KANSL1: variants seen among roughly 807,000 people sequenced by gnomAD.
KANSL1 encodes KAT8 regulatory NSL complex subunit 1.
A neutral mutation model predicts 103.6 loss-of-function variants in KANSL1; 22 were observed. The observed-to-expected ratio is 0.21, with a 90% CI of 0.15 to 0.30. The LOEUF is 0.30. KANSL1 is among the 10% of genes least tolerant of loss of function. The pLI, the probability that KANSL1 is intolerant of heterozygous loss-of-function variation, is 1.00. For synonymous variants in KANSL1, 600 were observed against 527.6 expected (o/e 1.14, Z -1.88); for missense variants, 1,337 against 1,399.8 (o/e 0.96, Z 0.72).
At chr17:46,208,480 G>C (rs1240120320) in intron 1 of KANSL1, among the ~76,000 whole-genome samples, 4 of 151,970 alleles carry the variant, frequency 2.6e-5, no homozygotes, top group African/African-American at 9.7e-5. Flanking sequence ...AGGTGTGGCA[G>C]TGCACACCTG....
intron 1 of KANSL1, among the ~76,000 whole-genome samples, chr17:46,213,483 T>A (rs76475191): frequency 0.11 from 16,681 of 145,282 alleles, no homozygotes; most frequent in Non-Finnish European, 0.17. Flanking sequence ...TTTTTTTTTT[T>A]TTTTTTAGTA....
At chr17:46,056,318 T>C (rs1316347939) in intron 6 of KANSL1, among the ~76,000 whole-genome samples, 4 of 151,602 alleles carry the variant, frequency 2.6e-5, no homozygotes, top group Non-Finnish European at 5.9e-5. Context: ...GATTTAAATA[T>C]AAAAACAAAT....
chr17:46,164,603 A>C (rs190561201), intron 2 of KANSL1, among the ~76,000 whole-genome samples: 31 of 152,382 alleles, frequency 2.0e-4, no homozygotes, highest in Admixed American at 2.0e-3. Flanking sequence ...CAACCAAAGA[A>C]ATGAATGAAG....
At chr17:46,208,037 G>T (rs1312093424) in intron 1 of KANSL1, among the ~76,000 whole-genome samples, 2 of 152,056 alleles carry the variant, frequency 1.3e-5, no homozygotes, top group African/African-American at 4.8e-5. Flanking sequence ...CTTGAACCTA[G>T]GAGGCGGAGG....
intron 2 of KANSL1, among the ~76,000 whole-genome samples, chr17:46,108,245 C>T (rs1232528807): frequency 6.6e-6 from 1 of 152,212 alleles, no homozygotes; most frequent in African/African-American, 2.4e-5. Context: ...TCTCTGGCCT[C>T]ATCTCCTGTT....
chr17:46,076,156 G>A (rs8078641), intron 4 of KANSL1, among the ~76,000 whole-genome samples: 8,423 of 152,238 alleles, frequency 0.055, 695 homozygotes, highest in African/African-American at 0.18. Context: ...CAGGTAGTAG[G>A]AGGAGAGTGT....
intron 2 of KANSL1, among the ~76,000 whole-genome samples, chr17:46,148,994 CTCTT>C (rs1379137447): frequency 5.1e-5 from 7 of 138,036 alleles, no homozygotes; most frequent in African/African-American, 1.1e-4. Context: ...CCATTCTTGC[CTCTT>C]TTTTTCTTTT....
chr17:46,150,940 A>C (rs998042385), intron 2 of KANSL1, among the ~76,000 whole-genome samples: 7 of 152,146 alleles, frequency 4.6e-5, no homozygotes, highest in Admixed American at 3.3e-4. Context: ...AAAAAAAAAA[A>C]AAAAACACGA....
chr17:46,088,082 G>A (rs1317779808), intron 3 of KANSL1, among the ~76,000 whole-genome samples: 1 of 152,208 alleles, frequency 6.6e-6, no homozygotes, highest in Non-Finnish European at 1.5e-5. Flanking sequence ...GTCAGAGCCA[G>A]GATCATGCTT....
chr17:46,105,941 ACACACACCCCC>A (rs1567680837), intron 2 of KANSL1, among the ~76,000 whole-genome samples: 217 of 76,390 alleles, frequency 2.8e-3, no homozygotes, highest in Non-Finnish European at 5.5e-3. Flanking sequence ...ACACACACAC[ACACACACCCCC>A]CCAGAAGGGT....
intron 2 of KANSL1, among the ~76,000 whole-genome samples, chr17:46,104,871 A>G (rs1475652519): frequency 6.6e-6 from 1 of 152,132 alleles, no homozygotes; most frequent in African/African-American, 2.4e-5. Flanking sequence ...GCTGGAGTGC[A>G]ATGGTGCGAT....
intron 2 of KANSL1, among the ~76,000 whole-genome samples, chr17:46,096,302 C>CTTTTTTTTCTT (rs2042062860): frequency 8.5e-5 from 7 of 82,594 alleles, no homozygotes; most frequent in African/African-American, 2.7e-4. Flanking sequence ...ACATACCTGG[C>CTTTTTTTTCTT]TTTTTTTTCT....
At chr17:46,138,193 A>G (rs1350558387) in intron 2 of KANSL1, among the ~76,000 whole-genome samples, 1 of 152,242 alleles carries the variant, frequency 6.6e-6, no homozygotes, top group African/African-American at 2.4e-5. Context: ...GAGTGTCAAC[A>G]TGACACTCAA....
chr17:46,131,102 G>T (rs139095310), intron 2 of KANSL1, among the ~76,000 whole-genome samples: 1 of 152,020 alleles, frequency 6.6e-6, no homozygotes, highest in Non-Finnish European at 1.5e-5. Context: ...ACTGCCACCC[G>T]TCTTATTTTT....
At chr17:46,191,527 T>G (rs2047321160) in intron 1 of KANSL1, among the ~76,000 whole-genome samples, 1 of 152,222 alleles carries the variant, frequency 6.6e-6, no homozygotes, top group Non-Finnish European at 1.5e-5. Flanking sequence ...GGAAAACATA[T>G]TCTAACGTAC....
rs1181668983 is a variant in KANSL1, at chr17:46,038,394, G to GACAT, written c.2541+140_2541+143dup. 38 of 841,984 alleles carry GACAT rather than the reference G, an allele frequency of 4.5e-5. No homozygotes were observed. In the East Asian group the frequency reaches 1.0e-3, roughly 23 times the overall value. 52.2% of individuals were successfully genotyped at this position (841,984 alleles called of 1,614,324 possible). A position where few individuals can be genotyped will look rare whatever the true frequency, so the allele number is the denominator to read the frequency against. On this transcript the variant is annotated intron_variant, in intron 10 of 14. Transcript: ENST00000432791. ...ATGACTTTGACTTAAAAATGGTACAGACATACATACATATGTCATGATGAG... is the reference window on the plus strand; with the variant it reads ...ATGACTTTGACTTAAAAATGGTACAGACATACATACATACATATGTCATGATGAG...
intron 1 of KANSL1, among the ~76,000 whole-genome samples, chr17:46,190,538 T>C (rs2696523): frequency 0.14 from 21,948 of 152,174 alleles, 2,139 homozygotes; most frequent in Non-Finnish European, 0.22. Context: ...CACCCTACCA[T>C]AAAGGCTCTA....
chr17:46,216,370 C>A (rs1262687185), intron 1 of KANSL1, among the ~76,000 whole-genome samples: 1 of 152,090 alleles, frequency 6.6e-6, no homozygotes, highest in Non-Finnish European at 1.5e-5. Context: ...GAGGCCGAGG[C>A]AGGTGGATCA....
At chr17:46,115,390 G>GA in intron 2 of KANSL1, among the ~76,000 whole-genome samples, 1 of 152,040 alleles carries the variant, frequency 6.6e-6, no homozygotes, top group East Asian at 1.9e-4. Context: ...AGAGCAAAAA[G>GA]AAAGTGCAGA....
Sources: gnomAD v4.1 joint callset for allele counts (sites outside exome capture counted in the v4.1 genomes callset) on GRCh38, gnomAD v4.1.1 for gene constraint, MANE v1.5 for transcripts, NCBI Gene and HGNC (gene_info 2026-07-23, HGNC 2026-07-21) for gene names.